CERS3: variants seen among roughly 807,000 people sequenced by gnomAD.
The protein encoded by CERS3 is ceramide synthase 3, also known as LAG1 homolog, ceramide synthase 3.
In CERS3, 33 loss-of-function variants were observed where a neutral mutation model predicts 50.3. The observed-to-expected ratio is 0.66, with a 90% confidence interval of 0.50 to 0.88. The LOEUF (loss-of-function observed/expected upper bound fraction) is 0.88. Ranked by LOEUF, CERS3 falls within the 40% of genes least tolerant of loss-of-function variation. The pLI, the probability that CERS3 is intolerant of heterozygous loss-of-function variation, is 0.00. For missense variants in CERS3, 470 were observed against 460.3 expected, an observed-to-expected ratio of 1.02 and a Z score of -0.19; for synonymous variants, 176 against 155.2, an observed-to-expected ratio of 1.13 and a Z score of -0.99.
At chr15:100,471,756 T>G (rs949938356) in intron 9 of CERS3, among the ~76,000 whole-genome samples, 2 of 152,170 alleles carry the variant, frequency 1.3e-5, no homozygotes, top group African/African-American at 4.8e-5. Flanking sequence ...GATTTACATG[T>G]CTAATGATGA....
intron 1 of CERS3, among the ~76,000 whole-genome samples, chr15:100,542,818 T>C (rs931633923): frequency 4.0e-5 from 6 of 150,998 alleles, no homozygotes; most frequent in Non-Finnish European, 5.9e-5. Flanking sequence ...TATATATATA[T>C]ACACATGTAT....
intron 2 of CERS3, among the ~76,000 whole-genome samples, chr15:100,508,614 C>A (rs968838227): frequency 1.3e-5 from 2 of 152,326 alleles, no homozygotes; most frequent in East Asian, 3.9e-4. Context: ...GACTCACTCA[C>A]TTTTCGGTCA....
intron 10 of CERS3, among the ~76,000 whole-genome samples, chr15:100,465,326 C>T (rs1475424908): frequency 1.3e-5 from 2 of 152,122 alleles, no homozygotes; most frequent in Non-Finnish European, 1.5e-5. Context: ...AAAGCATCCT[C>T]GAAAAATGAA....
chr15:100,482,975 T>G (rs1310293559), intron 5 of CERS3, among the ~76,000 whole-genome samples: 1 of 152,208 alleles, frequency 6.6e-6, no homozygotes. Context: ...CATGTGACAT[T>G]GCTAAAGAAT....
chr15:100,443,547 C>T (rs567312166), intron 11 of CERS3, among the ~76,000 whole-genome samples: 824 of 149,900 alleles, frequency 5.5e-3, no homozygotes, highest in African/African-American at 0.019. Flanking sequence ...CTCAAACATG[C>T]TTTCTTTACT....
At chr15:100,479,525 G>A in intron 6 of CERS3, 47 bp from the exon 7 acceptor site, 1 of 1,506,656 alleles carries the variant, frequency 6.6e-7, no homozygotes, top group Non-Finnish European at 9.0e-7. Context: ...AAATAAATTG[G>A]TCGGTGTCAA....
chr15:100,459,565 T>C (rs1205908222), intron 10 of CERS3, among the ~76,000 whole-genome samples: 1 of 152,190 alleles, frequency 6.6e-6, no homozygotes, highest in African/African-American at 2.4e-5. Context: ...AGTTCTAGGA[T>C]TATAGGCATG....
At chr15:100,512,354 G>C (rs1290887770) in intron 2 of CERS3, among the ~76,000 whole-genome samples, 1 of 152,194 alleles carries the variant, frequency 6.6e-6, no homozygotes, top group African/African-American at 2.4e-5. Context: ...GGGGCACACA[G>C]TGAAGGGCTC....
At chr15:100,420,837 G>A (rs902214578) in intron 11 of CERS3, among the ~76,000 whole-genome samples, 1 of 152,018 alleles carries the variant, frequency 6.6e-6, no homozygotes, top group Non-Finnish European at 1.5e-5. Flanking sequence ...AAAACCACAT[G>A]ATTGTCTCAA....
intron 11 of CERS3, among the ~76,000 whole-genome samples, chr15:100,406,689 G>A (rs1206132521): frequency 6.6e-6 from 1 of 152,170 alleles, no homozygotes; most frequent in Non-Finnish European, 1.5e-5. Context: ...TCCTACAGAT[G>A]AAGCCTTTCA....
chr15:100,428,567 A>T (rs2032954054), intron 11 of CERS3, among the ~76,000 whole-genome samples: 1 of 152,328 alleles, frequency 6.6e-6, no homozygotes, highest in Admixed American at 6.5e-5. Flanking sequence ...GGCACCTCCC[A>T]CTTGTGACAG....
chr15:100,516,752 A>G (rs944704054), intron 2 of CERS3, among the ~76,000 whole-genome samples: 8 of 152,206 alleles, frequency 5.3e-5, no homozygotes, highest in Non-Finnish European at 1.5e-5. Flanking sequence ...AGGAAAGCCC[A>G]CATAATGGGT....
chr15:100,538,375 C>T (rs1056290995), intron 1 of CERS3, among the ~76,000 whole-genome samples: 8 of 152,358 alleles, frequency 5.3e-5, no homozygotes, highest in Middle Eastern at 3.4e-3. Flanking sequence ...ACTGCCCTAG[C>T]AGAGGTACTC....
upstream of CERS3, among the ~76,000 whole-genome samples, chr15:100,533,291 G>A (rs924942571): frequency 1.3e-5 from 2 of 152,054 alleles, no homozygotes; most frequent in Non-Finnish European, 2.9e-5. Flanking sequence ...TCTCCCCCAC[G>A]TAAGCTTCAG....
At chr15:100,465,888 A>G (rs1019926334) in intron 10 of CERS3, among the ~76,000 whole-genome samples, 1 of 151,994 alleles carries the variant, frequency 6.6e-6, no homozygotes, top group Non-Finnish European at 1.5e-5. Flanking sequence ...CGAACTCCTG[A>G]CCTCAGGTGA....
chr15:100,467,814 T>C (rs543105209), intron 10 of CERS3, among the ~76,000 whole-genome samples: 60 of 82,684 alleles, frequency 7.3e-4, no homozygotes, highest in Middle Eastern at 6.7e-3. Flanking sequence ...TATACGTCTA[T>C]ATATATGTGT....
intron 11 of CERS3, among the ~76,000 whole-genome samples, chr15:100,425,130 G>A (rs1437430565): frequency 6.6e-6 from 1 of 152,214 alleles, no homozygotes; most frequent in Admixed American, 6.5e-5. Context: ...ATCTGCCGAA[G>A]GGGTGGAGCA....
In CERS3 at chr15:100,488,471, A is replaced by T. The variant is rs184364089; in HGVS notation, c.288+2346T>A. On this transcript the variant is annotated intron_variant, in intron 4 of 11. Transcript: ENST00000679737. ...CAACTTGTCTTATTACCTCAGCCAT[A>T]ATTAAGCAAAGTGCTATCTGCATGA... Among the ~76,000 whole-genome samples, 3 of 152,310 alleles carry T rather than the reference A, an allele frequency of 2.0e-5. No homozygotes were observed. In the East Asian group the frequency reaches 5.8e-4, roughly 29 times the overall value.
intron 1 of CERS3, among the ~76,000 whole-genome samples, chr15:100,540,782 T>C (rs527605248): frequency 3.3e-5 from 5 of 152,302 alleles, no homozygotes; most frequent in East Asian, 3.9e-4. Context: ...CCAGAAACAC[T>C]GTTGGGTTGA....
Sources: gnomAD v4.1 joint callset for allele counts (sites outside exome capture counted in the v4.1 genomes callset) on GRCh38, gnomAD v4.1.1 for gene constraint, MANE v1.5 for transcripts, NCBI Gene and HGNC (gene_info 2026-07-23, HGNC 2026-07-21) for gene names.